The following CDON variants were observed in gnomAD, a reference collection of about 807,000 sequenced individuals.
The protein encoded by CDON is cell adhesion molecule-related/down-regulated by oncogenes.
In CDON, 73 loss-of-function variants were observed where a neutral mutation model predicts 120.9. The ratio of observed to expected loss-of-function variants is 0.60; its 90% CI spans 0.50 to 0.73. The LOEUF is 0.73. CDON is among the 30% of genes least tolerant of loss of function. The probability of loss-of-function intolerance (pLI) is 0.00; values close to 1 mark genes in which losing one functional copy is unlikely to be tolerated. For missense variants in CDON, 1,470 were observed against 1,587.3 expected (o/e 0.93, Z 1.26); for synonymous variants, 566 against 573.5 (o/e 0.99, Z 0.19).
chr11:125,967,181 C>A (rs1945827826), intron 18 of CDON, among the ~76,000 whole-genome samples: 1 of 152,062 alleles, frequency 6.6e-6, no homozygotes, highest in Non-Finnish European at 1.5e-5. Flanking sequence ...CAACACAAAA[C>A]ACTGGAGGGG....
intron 8 of CDON, among the ~76,000 whole-genome samples, chr11:126,008,133 T>C (rs1231070288): frequency 6.6e-6 from 1 of 152,170 alleles, no homozygotes; most frequent in Non-Finnish European, 1.5e-5. Flanking sequence ...ACTCTCATTA[T>C]AGTTTTAAAG....
intron 11 of CDON, 35 bp downstream of exon 11, chr11:126,001,684 T>C (rs199768792): frequency 1.3e-6 from 2 of 1,599,184 alleles, no homozygotes; most frequent in East Asian, 4.5e-5. Context: ...GTCAGTTATA[T>C]TTGTAAAGAA....
At chr11:126,015,659 A>G in intron 6 of CDON, 149 bp from the exon 7 acceptor site, 2 of 832,866 alleles carry the variant, frequency 2.4e-6, no homozygotes, top group Non-Finnish European at 3.8e-6. Context: ...TGTGGTAATC[A>G]AGAAAAAAAT....
At chr11:126,036,742 G>A (rs1948107737) in intron 1 of CDON, among the ~76,000 whole-genome samples, 1 of 152,196 alleles carries the variant, frequency 6.6e-6, no homozygotes, top group South Asian at 2.1e-4. Flanking sequence ...GGACTGGAGT[G>A]CAGTGGTGCA....
At chr11:125,962,819 C>T (rs3897580) in intron 18 of CDON, among the ~76,000 whole-genome samples, 38,709 of 151,946 alleles carry the variant, frequency 0.25, 5,465 homozygotes, top group South Asian at 0.31. Flanking sequence ...CTCTGTTTAT[C>T]GGCTGAAATT....
At chr11:126,040,777 T>C (rs1010474414) in intron 1 of CDON, among the ~76,000 whole-genome samples, 36 of 118,260 alleles carry the variant, frequency 3.0e-4, no homozygotes, top group Non-Finnish European at 8.0e-5. Context: ...ATGGTGCCAC[T>C]GCACTCCAGC....
intron 16 of CDON, among the ~76,000 whole-genome samples, chr11:125,983,262 A>G (rs1946366880): frequency 6.6e-6 from 1 of 152,186 alleles, no homozygotes; most frequent in African/African-American, 2.4e-5. Context: ...GAACTGAAGG[A>G]AGAGAAAAGA....
At position 125,958,528 on chromosome 11, in the gene CDON, C is replaced by T. The variant is rs1591535820; in HGVS notation, c.*2414G>A. The T allele has an allele frequency of 6.8e-6, 1 of 146,976 alleles. No homozygotes were observed. Among genetic ancestry groups the T allele is most frequent in the African/African-American group, 2.5e-5 (1 of 39,840 alleles). The allele number at this position is 146,976 out of a possible 1,614,324, so 9.1% of individuals were successfully genotyped here. On this transcript the variant is annotated 3_prime_UTR_variant, in exon 20 of 20. Transcript: ENST00000531738. ...ACTCACGCTTAGGGAGAACTCATAC[C>T]GCCTAAATATAAAGGCAATTATATA...
At chr11:126,042,653 G>A (rs574903735) in intron 1 of CDON, among the ~76,000 whole-genome samples, 12 of 152,174 alleles carry the variant, frequency 7.9e-5, no homozygotes, top group Non-Finnish European at 1.5e-4. Flanking sequence ...CGGGAGTCTC[G>A]CTCTGCTGTC....
intron 18 of CDON, among the ~76,000 whole-genome samples, chr11:125,976,838 G>A (rs1380639412): frequency 6.6e-6 from 1 of 152,174 alleles, no homozygotes; most frequent in Non-Finnish European, 1.5e-5. Context: ...CCCCTTTTTA[G>A]TTAAGGAAAT....
chr11:125,972,223 C>G (rs139120926), intron 18 of CDON, among the ~76,000 whole-genome samples: 8 of 148,800 alleles, frequency 5.4e-5, no homozygotes, highest in Non-Finnish European at 1.2e-4. Flanking sequence ...GCCAGGAGTG[C>G]GAGACCAGCC....
chr11:125,967,365 ACT>A lies in CDON; in HGVS notation c.3357-5369_3357-5368del, dbSNP rs141692899. Among the ~76,000 whole-genome samples, 569 of 152,264 alleles carry A rather than the reference ACT, an allele frequency of 3.7e-3. 3 individuals are homozygous for A. The highest frequency in any genetic ancestry group is 0.013 in the African/African-American group (553 of 41,556). ...AAAATGATAAACATTAGAACATCAG[ACT>A]TTTTGCTTTTTTAATGATAGTTATT... On this transcript the variant is annotated intron_variant, in intron 18 of 19. Transcript: ENST00000531738.
Position 126,015,382 on chromosome 11 carries a change from G to A in CDON, c.1057C>T (p.His353Tyr), listed in dbSNP as rs772141487. Residue 353 changes from histidine to tyrosine, a missense_variant, in exon 7 of 20, where the codon CAT becomes TAT. By Grantham distance (83) the His-to-Tyr change is moderately conservative. Transcript: ENST00000531738. ...GCAGTTAGATGTCGTGCAGAAGGAT[G>A]AATAGGCTGTGCATTGTGAAACCAG... The part of the protein sequence containing the change: ...CTWFHNAQPI[H>Y]PSARHLTAGN... The A allele has an allele frequency of 2.4e-5, 38 of 1,614,050 alleles. No homozygotes were observed. In the East Asian group the frequency reaches 3.1e-4, roughly 13 times the overall value.
At chr11:126,060,074 TGAGTTA>T (rs1253029500) in intron 1 of CDON, among the ~76,000 whole-genome samples, 1 of 152,184 alleles carries the variant, frequency 6.6e-6, no homozygotes, top group African/African-American at 2.4e-5. Flanking sequence ...CTGTTGAAAG[TGAGTTA>T]GTGCCAAATA....
chr11:126,047,317 A>T (rs1327123748), intron 1 of CDON, among the ~76,000 whole-genome samples: 1 of 152,074 alleles, frequency 6.6e-6, no homozygotes, highest in Admixed American at 6.5e-5. Context: ...ACATACAGGA[A>T]TTTACCCAAA....
At chr11:126,019,098 GTC>G (rs1243905805) in intron 4 of CDON, among the ~76,000 whole-genome samples, 1 of 152,140 alleles carries the variant, frequency 6.6e-6, no homozygotes, top group Non-Finnish European at 1.5e-5. Flanking sequence ...TTCCTGCACT[GTC>G]TAGTCATTCA....
intron 14 of CDON, among the ~76,000 whole-genome samples, chr11:125,990,896 C>T (rs745339754): frequency 6.6e-6 from 1 of 152,096 alleles, no homozygotes; most frequent in Non-Finnish European, 1.5e-5. Context: ...GAGTTCTACG[C>T]CCCATTTATA....
At position 126,001,727 on chromosome 11, in the gene CDON, T is replaced by C. The variant is rs1946949700; in HGVS notation, c.2150A>G (p.His717Arg). The C allele has an allele frequency of 6.2e-7, 1 of 1,613,476 alleles. No homozygotes were observed. Among genetic ancestry groups the C allele is most frequent in the Non-Finnish European group, 8.5e-7 (1 of 1,179,438 alleles). ...AATATTCTTCTTTTTACCTCCACTG[T>C]GCCTAGAGGAATCTGTAAGTACCAC... ...FGVVLTDSSR[H>R]SGVPEAPDRP... Residue 717 changes from histidine to arginine, a missense_variant, in exon 11 of 20, where the codon CAC becomes CGC. His to Arg is a conservative substitution (Grantham distance 29, BLOSUM62 0). Transcript: ENST00000531738.
In CDON at chr11:125,958,565, A is replaced by ATATGTGTGTGTGTGTGTGTGTG. The variant is rs371911236; in HGVS notation, c.*2376_*2377insCACACACACACACACACACATA. On this transcript the variant is annotated 3_prime_UTR_variant, in exon 20 of 20. Transcript: ENST00000531738. ...AAGGCAATTATATATATATATATAT[A>ATATGTGTGTGTGTGTGTGTGTG]TGTGTGTGTGTGTGTGTGTGTGTGT... 105 of 130,100 alleles carry ATATGTGTGTGTGTGTGTGTGTG rather than the reference A, an allele frequency of 8.1e-4. No homozygotes were observed. Among genetic ancestry groups the ATATGTGTGTGTGTGTGTGTGTG allele is most frequent in the Middle Eastern group, 3.9e-3 (1 of 254 alleles). 8.1% of individuals were successfully genotyped at this position (130,100 alleles called of 1,614,324 possible).
Sources: allele counts gnomAD v4.1 joint callset (sites outside exome capture counted in the v4.1 genomes callset), GRCh38; gene constraint gnomAD v4.1.1; transcripts MANE v1.5; gene names NCBI Gene and HGNC (gene_info 2026-07-23, HGNC 2026-07-21).